The following PDE4B variants were observed in gnomAD, a reference collection of about 807,000 sequenced individuals.
PDE4B encodes 3',5'-cyclic-AMP phosphodiesterase 4B.
In PDE4B, 20 loss-of-function variants were observed where a neutral mutation model predicts 82.2. The ratio of observed to expected loss-of-function variants is 0.24; its 90% CI spans 0.17 to 0.35. PDE4B has a LOEUF of 0.35. Among genes scored for constraint, PDE4B ranks in the 10% least tolerant of loss-of-function variants. The pLI is 1.00. For synonymous variants in PDE4B, 320 were observed against 318.9 expected (o/e 1.00, Z -0.04); for missense variants, 655 against 907.2 (o/e 0.72, Z 3.57).
intron 9 of PDE4B, among the ~76,000 whole-genome samples, chr1:66,357,131 A>G (rs952574295): frequency 3.3e-5 from 5 of 152,082 alleles, no homozygotes; most frequent in African/African-American, 4.8e-5. Context: ...GCAAGAACCC[A>G]TTTTTGTCTT....
At chr1:65,961,338 A>G (rs1649532339) in intron 3 of PDE4B, among the ~76,000 whole-genome samples, 1 of 152,152 alleles carries the variant, frequency 6.6e-6, no homozygotes. Flanking sequence ...CCTTGAAATG[A>G]GGATGTGTGC....
At chr1:65,872,009 G>T (rs1315530970) in intron 1 of PDE4B, among the ~76,000 whole-genome samples, 1 of 152,064 alleles carries the variant, frequency 6.6e-6, no homozygotes, top group Admixed American at 6.6e-5. Flanking sequence ...TAAAGAGTAG[G>T]TGAAGCTAAA....
At chr1:66,017,015 G>A (rs1183644466) in intron 3 of PDE4B, among the ~76,000 whole-genome samples, 1 of 152,198 alleles carries the variant, frequency 6.6e-6, no homozygotes, top group East Asian at 1.9e-4. Flanking sequence ...GGTGGGATAA[G>A]GAGCAGAACT....
chr1:66,332,910 A>G (rs542026759), intron 8 of PDE4B, among the ~76,000 whole-genome samples: 13 of 152,386 alleles, frequency 8.5e-5, no homozygotes, highest in African/African-American at 2.9e-4. Context: ...TAAAGCTTCC[A>G]AATCAATATA....
chr1:66,312,369 C>T (rs1658734395), intron 7 of PDE4B, among the ~76,000 whole-genome samples: 1 of 152,182 alleles, frequency 6.6e-6, no homozygotes, highest in Admixed American at 6.5e-5. Flanking sequence ...TCTAAGGGAA[C>T]ATCCATTTTC....
chr1:65,908,214 A>C (rs1304586902), intron 1 of PDE4B, among the ~76,000 whole-genome samples: 1 of 152,172 alleles, frequency 6.6e-6, no homozygotes, highest in African/African-American at 2.4e-5. Context: ...TGGAAGAATA[A>C]AGAGGGTCTC....
At chr1:66,319,504 T>G (rs1659252467) in intron 7 of PDE4B, among the ~76,000 whole-genome samples, 1 of 152,254 alleles carries the variant, frequency 6.6e-6, no homozygotes, top group Non-Finnish European at 1.5e-5. Context: ...CTCTGCACTC[T>G]TATAATTTTT....
chr1:66,288,312 G>A (rs1478890520), intron 7 of PDE4B, among the ~76,000 whole-genome samples: 3 of 152,044 alleles, frequency 2.0e-5, no homozygotes, highest in Non-Finnish European at 4.4e-5. Flanking sequence ...AACCATTGAT[G>A]AGAAAACCAA....
intron 9 of PDE4B, among the ~76,000 whole-genome samples, chr1:66,357,640 G>T (rs1398094461): frequency 6.6e-6 from 1 of 152,020 alleles, no homozygotes; most frequent in East Asian, 1.9e-4. Context: ...AGCATTAAGA[G>T]GGTGGTGTGT....
intron 3 of PDE4B, among the ~76,000 whole-genome samples, chr1:66,170,677 A>G (rs191106190): frequency 6.6e-6 from 1 of 152,148 alleles, no homozygotes; most frequent in Non-Finnish European, 1.5e-5. Context: ...TTTTAGAGCT[A>G]TCAGAGAGAT....
intron 8 of PDE4B, among the ~76,000 whole-genome samples, chr1:66,351,715 A>G (rs892346289): frequency 7.2e-5 from 11 of 152,222 alleles, no homozygotes; most frequent in African/African-American, 2.7e-4. Flanking sequence ...TGATGTAACT[A>G]CACAGGAGAG....
At chr1:66,236,729 A>G (rs1415517916) in intron 3 of PDE4B, among the ~76,000 whole-genome samples, 1 of 152,208 alleles carries the variant, frequency 6.6e-6, no homozygotes, top group East Asian at 1.9e-4. Flanking sequence ...GAGGGAGGAC[A>G]GGGTTCAGGA....
At chr1:65,994,884 G>C (rs2100688157) in intron 3 of PDE4B, among the ~76,000 whole-genome samples, 1 of 152,010 alleles carries the variant, frequency 6.6e-6, no homozygotes, top group African/African-American at 2.4e-5. Flanking sequence ...TAAGAACATA[G>C]AGCTATAAAT....
chr1:65,935,948 AAACAACAACAAC>A (rs527864035), intron 3 of PDE4B, among the ~76,000 whole-genome samples: 1 of 152,048 alleles, frequency 6.6e-6, no homozygotes, highest in Non-Finnish European at 1.5e-5. Context: ...AAAAAAAACA[AAACAACAACAAC>A]AACAACAACA....
chr1:65,882,770 A>T (rs980361703), intron 1 of PDE4B, among the ~76,000 whole-genome samples: 1 of 152,112 alleles, frequency 6.6e-6, no homozygotes, highest in African/African-American at 2.4e-5. Context: ...TATATTTTAT[A>T]TGTATATATG....
intron 7 of PDE4B, among the ~76,000 whole-genome samples, chr1:66,315,622 A>T (rs886785205): frequency 6.6e-6 from 1 of 151,860 alleles, no homozygotes; most frequent in Non-Finnish European, 1.5e-5. Context: ...CGCCGGGCTA[A>T]TTTTTGTATT....
intron 1 of PDE4B, among the ~76,000 whole-genome samples, chr1:65,844,261 A>G (rs541153104): frequency 1.3e-5 from 2 of 152,360 alleles, no homozygotes; most frequent in African/African-American, 4.8e-5. Flanking sequence ...TGTACTGGAT[A>G]ACAAAATTGA....
chr1:66,189,295 C>T (rs1421306594), intron 3 of PDE4B, among the ~76,000 whole-genome samples: 16 of 152,210 alleles, frequency 1.1e-4, no homozygotes, highest in Non-Finnish European at 2.1e-4. Context: ...TTTGGTGAAT[C>T]TGACAATTAT....
intron 3 of PDE4B, among the ~76,000 whole-genome samples, chr1:65,995,941 G>T (rs988042759): frequency 1.3e-5 from 2 of 152,132 alleles, no homozygotes; most frequent in African/African-American, 2.4e-5. Flanking sequence ...TTTATTTGTA[G>T]ATTTCATATT....
Sources: allele counts gnomAD v4.1 joint callset (sites outside exome capture counted in the v4.1 genomes callset), GRCh38; gene constraint gnomAD v4.1.1; transcripts MANE v1.5; gene names NCBI Gene and HGNC (gene_info 2026-07-23, HGNC 2026-07-21).